PTGDR2: variants seen among roughly 807,000 people sequenced by gnomAD.
PTGDR2 encodes the protein prostaglandin D2 receptor 2.
For synonymous variants in PTGDR2, 276 were observed against 278.4 expected, an observed-to-expected ratio of 0.99 and a Z score of 0.09; for missense variants, 544 against 576.6, an observed-to-expected ratio of 0.94 and a Z score of 0.58.
intron 1 of PTGDR2, among the ~76,000 whole-genome samples, chr11:60,855,375 T>G (rs1441208395): frequency 6.6e-6 from 1 of 151,544 alleles, no homozygotes; most frequent in Non-Finnish European, 1.5e-5. Flanking sequence ...GAGAGCACAG[T>G]CCTGCCACAC....
Position 60,852,244 on chromosome 11 carries a change from C to A in PTGDR2, c.*291G>T. The A allele has an allele frequency of 2.8e-6, 1 of 355,262 alleles. No individual in the cohort carries two copies. Among genetic ancestry groups the A allele is most frequent in the Non-Finnish European group, 5.0e-6 (1 of 198,866 alleles). The allele number at this position is 355,262 out of a possible 1,614,324, so 22.0% of individuals were successfully genotyped here. A position where few individuals can be genotyped will look rare whatever the true frequency, so the allele number is the denominator to read the frequency against. On this transcript the variant is annotated 3_prime_UTR_variant, in exon 2 of 2. Coordinates refer to ENST00000332539, the MANE Select transcript of PTGDR2 (RefSeq NM_004778.3). ...TGAACCTGCCGCACTGGCTTCTCGG[C>A]CTGGGAGCTTGTTAAGTGCAGACTC...
At chr11:60,854,360 A>G (rs570247986) in intron 1 of PTGDR2, among the ~76,000 whole-genome samples, 23 of 152,302 alleles carry the variant, frequency 1.5e-4, no homozygotes, top group African/African-American at 5.5e-4. Context: ...GTTGGAGAGG[A>G]AATAAGATAA....
At chr11:60,854,357 A>G (rs917140261) in intron 1 of PTGDR2, among the ~76,000 whole-genome samples, 12 of 152,136 alleles carry the variant, frequency 7.9e-5, no homozygotes, top group African/African-American at 2.7e-4. Context: ...ATGGTTGGAG[A>G]GGAAATAAGA....
Position 60,853,436 on chromosome 11 carries a change from G to GA in PTGDR2, c.286dup (p.Ser96PhefsTer99). ...GCAGAAGGTGGTGCCCAGCTCCCAC[G>GA]AGTGGCCCACGGCCAAGAAGTAGGT... On this transcript the variant is annotated frameshift_variant, in exon 2 of 2. Transcript: ENST00000332539. LOFTEE classifies it low-confidence loss of function (END_TRUNC). 6.3e-7 allele frequency: 1 copy of GA among 1,575,338 alleles called. No individual in the cohort carries two copies. Among genetic ancestry groups the GA allele is most frequent in the Non-Finnish European group, 8.6e-7 (1 of 1,160,258 alleles).
chr11:60,851,349 C>G lies in PTGDR2; in HGVS notation c.*1186G>C, dbSNP rs889253998. ...ATTCATTGACACCAACTTTTCGGTC[C>G]CTGGGCTGCAGAGCTCAAACACAGC... On this transcript the variant is annotated 3_prime_UTR_variant, in exon 2 of 2. Coordinates refer to ENST00000332539, the MANE Select transcript of PTGDR2 (RefSeq NM_004778.3). 1 of 152,372 alleles carries G rather than the reference C, an allele frequency of 6.6e-6. No homozygotes were observed. Among genetic ancestry groups the G allele is most frequent in the African/African-American group, 2.4e-5 (1 of 41,570 alleles). 9.4% of individuals were successfully genotyped at this position (152,372 alleles called of 1,614,324 possible).
chr11:60,854,339 C>T (rs1022025832), intron 1 of PTGDR2, among the ~76,000 whole-genome samples: 1 of 152,192 alleles, frequency 6.6e-6, no homozygotes, highest in Non-Finnish European at 1.5e-5. Flanking sequence ...GAACCAGCCC[C>T]TCCTCTGATG....
At position 60,853,319 on chromosome 11, in the gene PTGDR2, C is replaced by T. The variant is rs571378284; in HGVS notation, c.404G>A (p.Arg135Gln). The change falls in exon 2 of 2, where the codon CGG becomes CAG. Residue 135 changes from arginine to glutamine, a missense_variant. Physicochemically the swap from Arg to Gln is conservative, Grantham distance 43. Coordinates refer to ENST00000332539, the MANE Select transcript of PTGDR2 (RefSeq NM_004778.3). ...GCGGTGGTTCTGCGCCCACACCGGC[C>T]GCACCACCTGCAGGCAGCGGTCCAG... ...ISLDRCLQVV[R>Q]PVWAQNHRTV... The T allele has an allele frequency of 5.6e-6, 9 of 1,610,880 alleles. No individual in the cohort carries two copies. The highest frequency in any genetic ancestry group is 4.5e-5 in the East Asian group (2 of 44,776).
rs1401976494 is a variant in PTGDR2, at chr11:60,851,918, A to G, written c.*617T>C. Reference sequence around the variant, plus strand: ...AGTCACTTAACCTCCCTGAGCCAGAATGTGCTCAGCTGTAAAGACTGGCTA... The same window carrying G: ...AGTCACTTAACCTCCCTGAGCCAGAGTGTGCTCAGCTGTAAAGACTGGCTA... On this transcript the variant is annotated 3_prime_UTR_variant, in exon 2 of 2. Transcript: ENST00000332539. 6.6e-6 allele frequency: 1 copy of G among 152,256 alleles called. No individual in the cohort carries two copies. The highest frequency in any genetic ancestry group is 1.5e-5 in the Non-Finnish European group (1 of 68,070). 9.4% of individuals were successfully genotyped at this position (152,256 alleles called of 1,614,324 possible).
Position 60,853,275 on chromosome 11 carries a change from T to C in PTGDR2, c.448A>G (p.Lys150Glu). 6.2e-7 allele frequency: 1 copy of C among 1,612,506 alleles called. No homozygotes were observed. Among genetic ancestry groups the C allele is most frequent in the East Asian group, 2.2e-5 (1 of 44,816 alleles). Residue 150 changes from lysine to glutamate, a missense_variant, in exon 2 of 2, where the codon AAA (lysine) becomes GAA (glutamate). Physicochemically the swap from Lys to Glu is moderately conservative, Grantham distance 56. Coordinates refer to ENST00000332539, the MANE Select transcript of PTGDR2 (RefSeq NM_004778.3). ...AGTGCCCAAAGCACCAGGCAGACTT[T>C]GTGCGCCGCGGCCACGGTGCGGTGG... ...QNHRTVAAAH[K>E]VCLVLWALAV...
At position 60,852,544 on chromosome 11, in the gene PTGDR2, G is replaced by C; in HGVS notation, c.1179C>G (p.Thr393=). ...CTACGTGGGCCGGGTTCTAACTCGA[G>C]GTGCTGCTCAGCGCCCGGTTCAGGG... ...TGPLNRALSS[T]SS is the part of the protein sequence containing the mutation. The change falls in exon 2 of 2, where the codon ACC becomes ACG. Residue 393 remains threonine (T), a synonymous_variant. Transcript: ENST00000332539. 1 of 1,265,606 alleles carries C rather than the reference G, an allele frequency of 7.9e-7. No individual in the cohort carries two copies. The highest frequency in any genetic ancestry group is 9.9e-7 in the Non-Finnish European group (1 of 1,006,922). 78.4% of individuals were successfully genotyped at this position (1,265,606 alleles called of 1,614,324 possible).
In PTGDR2 at chr11:60,852,484, G is replaced by A; in HGVS notation, c.*51C>T. 8.1e-7 allele frequency: 1 copy of A among 1,235,446 alleles called. No homozygotes were observed. The highest frequency in any genetic ancestry group is 1.6e-5 in the African/African-American group (1 of 64,272). The allele number at this position is 1,235,446 out of a possible 1,614,324, so 76.5% of individuals were successfully genotyped here. Reference sequence around the variant, plus strand: ...AGTCCGGATATCGAATTGAACCGCGGCACCCTGGTGATACTTTCGCGTGTG... The same window carrying A: ...AGTCCGGATATCGAATTGAACCGCGACACCCTGGTGATACTTTCGCGTGTG... On this transcript the variant is annotated 3_prime_UTR_variant, in exon 2 of 2. Coordinates refer to ENST00000332539, the MANE Select transcript of PTGDR2 (RefSeq NM_004778.3).
chr11:60,853,150 C>T lies in PTGDR2; in HGVS notation c.573G>A (p.Pro191=), dbSNP rs764780849. 3.7e-6 allele frequency: 6 copies of T among 1,608,254 alleles called. No individual in the cohort carries two copies. Among genetic ancestry groups the T allele is most frequent in the Middle Eastern group, 1.6e-4 (1 of 6,084 alleles). The change falls in exon 2 of 2, where the codon CCG becomes CCA. Residue 191 remains proline, a synonymous_variant. Transcript: ENST00000332539. ...MCYYNVLLLN[P]GPDRDATCNS... ...TGCACGTGGCATCGCGGTCAGGCCCCGGGTTCAGGAGCAGCACATTGTAGT... is the reference window on the plus strand; with the variant it reads ...TGCACGTGGCATCGCGGTCAGGCCCTGGGTTCAGGAGCAGCACATTGTAGT...
At chr11:60,855,816 G>A (rs1855348259) in intron 1 of PTGDR2, 53 bp downstream of exon 1, 1 of 152,310 alleles carries the variant, frequency 6.6e-6, no homozygotes, top group Non-Finnish European at 1.5e-5. Flanking sequence ...GCCTTCTTCT[G>A]TGGGTCTAGA....
Position 60,853,111 on chromosome 11 carries a change from C to T in PTGDR2, c.612G>A (p.Val204=). 2 of 1,604,260 alleles carry T rather than the reference C, an allele frequency of 1.2e-6. No homozygotes were observed. The highest frequency in any genetic ancestry group is 1.7e-6 in the Non-Finnish European group (2 of 1,178,822). The change falls in exon 2 of 2, where the codon GTG becomes GTA. Residue 204 remains valine (V), a synonymous_variant. Transcript: ENST00000332539. The part of the protein sequence containing the change: ...DRDATCNSRQ[V]ALAVSKFLLA... ...GCAGGAACTTGCTGACGGCCAGGGC[C>T]ACCTGCCGCGAGTTGCACGTGGCAT...
At position 60,853,144 on chromosome 11, in the gene PTGDR2, A is replaced by C; in HGVS notation, c.579T>G (p.Pro193=). ...YYNVLLLNPG[P]DRDATCNSRQ... ...GCGAGTTGCACGTGGCATCGCGGTC[A>C]GGCCCCGGGTTCAGGAGCAGCACAT... is the stretch of plus-strand genomic sequence containing the variant. Residue 193 remains proline, a synonymous_variant, in exon 2 of 2, where the codon CCT becomes CCG. Coordinates refer to ENST00000332539, the MANE Select transcript of PTGDR2 (RefSeq NM_004778.3). The C allele has an allele frequency of 6.2e-7, 1 of 1,608,076 alleles. No individual in the cohort carries two copies. The highest frequency in any genetic ancestry group is 8.5e-7 in the Non-Finnish European group (1 of 1,179,760).
In PTGDR2 at chr11:60,852,470, C is replaced by A; in HGVS notation, c.*65G>T. 1 of 1,219,266 alleles carries A rather than the reference C, an allele frequency of 8.2e-7. No individual in the cohort carries two copies. Among genetic ancestry groups the A allele is most frequent in the South Asian group, 4.0e-5 (1 of 25,240 alleles). The allele number at this position is 1,219,266 out of a possible 1,614,324, so 75.5% of individuals were successfully genotyped here. A position where few individuals can be genotyped will look rare whatever the true frequency, so the allele number is the denominator to read the frequency against. On this transcript the variant is annotated 3_prime_UTR_variant, in exon 2 of 2. Coordinates refer to ENST00000332539, the MANE Select transcript of PTGDR2 (RefSeq NM_004778.3). ...ATCACTGCGGCAGGAGTCCGGATAT[C>A]GAATTGAACCGCGGCACCCTGGTGA...
At position 60,853,622 on chromosome 11, in the gene PTGDR2, G is replaced by C. The variant is rs759678740; in HGVS notation, c.101C>G (p.Ala34Gly). 28 of 1,556,838 alleles carry C rather than the reference G, an allele frequency of 1.8e-5. No individual in the cohort carries two copies. Among genetic ancestry groups the C allele is most frequent in the Non-Finnish European group, 2.6e-6 (3 of 1,149,914 alleles). ...SNTSIRYIDH[A>G]AVLLHGLASL... ...GGCCAGCCCGTGCAGCAGCACGGCCGCGTGGTCGATGTAGCGGATGCTGGT... is the reference window on the plus strand; with the variant it reads ...GGCCAGCCCGTGCAGCAGCACGGCCCCGTGGTCGATGTAGCGGATGCTGGT... The change falls in exon 2 of 2, where the codon GCG (alanine) becomes GGG (glycine). Residue 34 changes from alanine to glycine, a missense_variant. Coordinates refer to ENST00000332539, the MANE Select transcript of PTGDR2 (RefSeq NM_004778.3).
In PTGDR2 at chr11:60,852,770, G is replaced by C. The variant is rs1855292491; in HGVS notation, c.953C>G (p.Ser318Trp). Residue 318 changes from serine to tryptophan, a missense_variant, in exon 2 of 2, where the codon TCG (serine) becomes TGG (tryptophan). Physicochemically the swap from Ser to Trp is radical, Grantham distance 177 (BLOSUM62 -3). Coordinates refer to ENST00000332539, the MANE Select transcript of PTGDR2 (RefSeq NM_004778.3). ...CPDMLRKLRRSLRTVLESVLV... is the reference protein window; with the variant it reads ...CPDMLRKLRRWLRTVLESVLV... ...CACGCTCTCCAGCACCGTGCGCAGC[G>C]AGCGCCGCAGCTTGCGCAGCATGTC... 1.9e-6 allele frequency: 3 copies of C among 1,544,794 alleles called. No homozygotes were observed. The highest frequency in any genetic ancestry group is 2.6e-6 in the Non-Finnish European group (3 of 1,145,620).
In PTGDR2 at chr11:60,852,565, C is replaced by T. The variant is rs1306451724; in HGVS notation, c.1158G>A (p.Leu386=). The T allele has an allele frequency of 5.5e-5, 70 of 1,282,538 alleles. No individual in the cohort carries two copies. Among genetic ancestry groups the T allele is most frequent in the Non-Finnish European group, 6.9e-5 (70 of 1,015,748 alleles). The allele number at this position is 1,282,538 out of a possible 1,614,324, so 79.4% of individuals were successfully genotyped here. A position where few individuals can be genotyped will look rare whatever the true frequency, so the allele number is the denominator to read the frequency against. The change falls in exon 2 of 2, where the codon CTG becomes CTA. Residue 386 remains leucine (L), a synonymous_variant. Coordinates refer to ENST00000332539, the MANE Select transcript of PTGDR2 (RefSeq NM_004778.3). The stretch of plus-strand genomic sequence containing the variant: ...TCGAGGTGCTGCTCAGCGCCCGGTT[C>T]AGGGGGCCCGTCTGCGGGGACGCTG... ...SCAASPQTGP[L]NRALSSTSS
Sources: gnomAD v4.1 joint callset for allele counts (sites outside exome capture counted in the v4.1 genomes callset) on GRCh38, gnomAD v4.1.1 for gene constraint, MANE v1.5 for transcripts, NCBI Gene and HGNC (gene_info 2026-07-23, HGNC 2026-07-21) for gene names.